ICE2: variants seen among roughly 807,000 people sequenced by gnomAD.
ICE2 encodes the protein interactor of little elongation complex ELL subunit 2.
Under a neutral mutation model 105.4 loss-of-function variants are expected in ICE2, and 87 were observed. That is an observed-to-expected ratio of 0.83 (90% CI 0.69 to 0.99). ICE2 has a LOEUF of 0.99. ICE2 is among the 50% of genes least tolerant of loss of function. ICE2 has a pLI of 0.00. For missense variants in ICE2, 1,323 were observed against 1,146.7 expected, an observed-to-expected ratio of 1.15 and a Z score of -2.22; for synonymous variants, 399 against 392.0, an observed-to-expected ratio of 1.02 and a Z score of -0.21.
chr15:60,433,528 T>C (rs926148438), intron 13 of ICE2, among the ~76,000 whole-genome samples: 4 of 151,856 alleles, frequency 2.6e-5, no homozygotes, highest in African/African-American at 9.7e-5. Context: ...TCTTGCTCTT[T>C]TTGCCCAGGT....
At position 60,451,280 on chromosome 15, in the gene ICE2, C is replaced by CA. The variant is rs1230186406; in HGVS notation, c.1126-1440dup. ...TGAAAATACATATATAAACAGACTA[C>CA]AAAGATACACTTTTTCCCTTCCCAA... On this transcript the variant is annotated intron_variant, in intron 9 of 15. Transcript: ENST00000261520. 7.2e-6 allele frequency: 5 copies of CA among 693,692 alleles called. No individual in the cohort carries two copies. In the East Asian group the frequency reaches 6.7e-4, roughly 94 times the overall value. The allele number at this position is 693,692 out of a possible 1,614,324, so 43.0% of individuals were successfully genotyped here.
At chr15:60,457,138 ATACTC>A (rs2141099600) in intron 5 of ICE2, among the ~76,000 whole-genome samples, 1 of 152,308 alleles carries the variant, frequency 6.6e-6, no homozygotes, top group Admixed American at 6.5e-5. Context: ...ATTAAGTAGT[ATACTC>A]TAAGAACATT....
intron 10 of ICE2, 41 bp from the exon 11 acceptor site, chr15:60,448,186 C>T (rs781533063): frequency 1.5e-6 from 2 of 1,298,116 alleles, no homozygotes; most frequent in Non-Finnish European, 2.2e-6. Flanking sequence ...TACATTAGCT[C>T]TTACCCATCA....
intron 11 of ICE2, among the ~76,000 whole-genome samples, chr15:60,447,205 G>A (rs191705655): frequency 5.9e-5 from 9 of 152,276 alleles, no homozygotes; most frequent in Admixed American, 5.2e-4. Context: ...CCTTACATAT[G>A]TGTGAAAGGC....
Position 60,456,681 on chromosome 15 carries a change from C to CTT in ICE2, c.640_641dup (p.Leu215SerfsTer2). The CTT allele has an allele frequency of 3.8e-6, 6 of 1,585,618 alleles. No individual in the cohort carries two copies. Among genetic ancestry groups the CTT allele is most frequent in the Non-Finnish European group, 5.1e-6 (6 of 1,167,976 alleles). ...CCAATGCGAGAAGAGTTTTTTCTAA[C>CTT]TTTAATCCCATCTCTACTCTGAATG... On this transcript the variant is annotated frameshift_variant, in exon 6 of 16. Transcript: ENST00000261520. LOFTEE classifies it high-confidence loss of function.
At chr15:60,440,442 TAA>T (rs2063694843) in intron 12 of ICE2, 1 of 152,110 alleles carries the variant, frequency 6.6e-6, no homozygotes, top group Non-Finnish European at 1.5e-5. Flanking sequence ...GGGGAAAAGA[TAA>T]AAAGAGTACT....
chr15:60,446,746 A>G (rs549031974), intron 11 of ICE2, among the ~76,000 whole-genome samples: 1 of 152,252 alleles, frequency 6.6e-6, no homozygotes, highest in South Asian at 2.1e-4. Context: ...ACAATGATCA[A>G]TAGTAGAACA....
intron 12 of ICE2, chr15:60,438,718 C>A (rs1317626275): frequency 6.6e-6 from 1 of 152,198 alleles, no homozygotes; most frequent in East Asian, 1.9e-4. Context: ...TGAGGATCTA[C>A]CTACTCAAGG....
chr15:60,475,532 T>G (rs1310307142), intron 3 of ICE2, among the ~76,000 whole-genome samples: 6 of 152,164 alleles, frequency 3.9e-5, no homozygotes. Context: ...AGTACATCTA[T>G]AGGCTATATA....
At chr15:60,423,846 T>C (rs1309124367) in intron 15 of ICE2, 84 bp from the exon 16 acceptor site, 5 of 1,203,376 alleles carry the variant, frequency 4.2e-6, no homozygotes, top group African/African-American at 1.6e-5. Flanking sequence ...TTTATACATG[T>C]ATTAACCACC....
chr15:60,473,296 C>CACAGAG (rs973494456), intron 3 of ICE2, among the ~76,000 whole-genome samples: 9 of 151,904 alleles, frequency 5.9e-5, no homozygotes, highest in Non-Finnish European at 8.8e-5. Context: ...GAGACACACA[C>CACAGAG]ACAGAGACAG....
At position 60,450,137 on chromosome 15, in the gene ICE2, T is replaced by C. The variant is rs939721674; in HGVS notation, c.1126-296A>G. Among the ~76,000 whole-genome samples the C allele has an allele frequency of 3.3e-5, 5 of 152,098 alleles. No homozygotes were observed. The South Asian group carries it at 6.2e-4, about 19-fold the overall frequency. Reference sequence around the variant, plus strand: ...AGAGGAATTTCAACGAATCAAAAAATAGACAAGACCACAAAGAAGAAATGT... The same window carrying C: ...AGAGGAATTTCAACGAATCAAAAAACAGACAAGACCACAAAGAAGAAATGT... On this transcript the variant is annotated intron_variant, in intron 9 of 15. Coordinates refer to ENST00000261520, the MANE Select transcript of ICE2 (RefSeq NM_024611.6).
chr15:60,468,700 T>C (rs2064498493), intron 3 of ICE2, among the ~76,000 whole-genome samples: 1 of 152,224 alleles, frequency 6.6e-6, no homozygotes, highest in Admixed American at 6.5e-5. Context: ...CTAAGATTTA[T>C]CAGTTAATAT....
chr15:60,456,552 T>A (rs71407093), intron 6 of ICE2, 105 bp downstream of exon 6: 47,610 of 75,548 alleles, frequency 0.63, 16,499 homozygotes, highest in East Asian at 0.89. Context: ...AAAAAAAAAA[T>A]AAATAAATAA....
rs1457386516 is a variant in ICE2, at chr15:60,456,562, AATAAATAT to A, written c.666+87_666+94del. 17 of 63,118 alleles carry A rather than the reference AATAAATAT, an allele frequency of 2.7e-4. 2 individuals are homozygous for A. Among genetic ancestry groups the A allele is most frequent in the Non-Finnish European group, 5.5e-4 (14 of 25,680 alleles). 3.9% of individuals were successfully genotyped at this position (63,118 alleles called of 1,614,324 possible). ...CTCCAAAAAAAAAAATAAATAAATA[AATAAATAT>A]ATATATATATATATACACACACACA... is the stretch of plus-strand genomic sequence containing the variant. On this transcript the variant is annotated intron_variant, in intron 6 of 15. Coordinates refer to ENST00000261520, the MANE Select transcript of ICE2 (RefSeq NM_024611.6).
At chr15:60,455,293 T>C (rs1349571648) in intron 7 of ICE2, 33 bp downstream of exon 7, 6 of 1,561,218 alleles carry the variant, frequency 3.8e-6, no homozygotes, top group African/African-American at 1.4e-5. Flanking sequence ...TAAAAGATTA[T>C]TTAGGAAGAT....
intron 15 of ICE2, among the ~76,000 whole-genome samples, chr15:60,427,583 C>T (rs1566966468): frequency 6.6e-6 from 1 of 152,084 alleles, no homozygotes; most frequent in Admixed American, 6.6e-5. Context: ...CACCATGATG[C>T]CAGGCTAATT....
chr15:60,430,639 T>G (rs2063435266), intron 14 of ICE2, among the ~76,000 whole-genome samples: 1 of 152,212 alleles, frequency 6.6e-6, no homozygotes, highest in Non-Finnish European at 1.5e-5. Flanking sequence ...AGGAAGTTAT[T>G]GCACTTGACA....
rs2063861049 is a variant in ICE2, at chr15:60,447,984, T to A, written c.2281A>T (p.Lys761Ter). ...TAACAACTTACTCTTCTGATTTTCT[T>A]CCGTTTTTTAGAACGTGGTCTTGTC... ...IETRPRSKKR[K>*]KIRRQFPVYV... The change falls in exon 11 of 16, where the codon AAG (lysine) becomes TAG (stop). Residue 761 changes from lysine (K) to a stop codon, truncating the protein, a stop_gained. Coordinates refer to ENST00000261520, the MANE Select transcript of ICE2 (RefSeq NM_024611.6). LOFTEE classifies it high-confidence loss of function. The A allele has an allele frequency of 5.6e-6, 9 of 1,608,306 alleles. No individual in the cohort carries two copies. The highest frequency in any genetic ancestry group is 6.8e-6 in the Non-Finnish European group (8 of 1,178,280).
Sources: gnomAD v4.1 joint callset for allele counts (sites outside exome capture counted in the v4.1 genomes callset) on GRCh38, gnomAD v4.1.1 for gene constraint, MANE v1.5 for transcripts, NCBI Gene and HGNC (gene_info 2026-07-23, HGNC 2026-07-21) for gene names.